ZC3H4: variants seen among roughly 807,000 people sequenced by gnomAD.
ZC3H4 encodes the protein zinc finger CCCH domain-containing protein 4.
ZC3H4 carries 13 observed loss-of-function variants against 108.3 expected under a neutral mutation model. That is an observed-to-expected ratio of 0.12 (90% CI 0.08 to 0.19). The LOEUF is 0.19. Ranked by LOEUF, ZC3H4 falls within the 10% of genes least tolerant of loss-of-function variation. The probability of loss-of-function intolerance (pLI) is 1.00; values close to 1 mark genes in which losing one functional copy is unlikely to be tolerated. For synonymous variants in ZC3H4, 917 were observed against 749.6 expected (o/e 1.22, Z -3.65); for missense variants, 1,734 against 1,838.8 (o/e 0.94, Z 1.04).
chr19:47,107,305 G>A (rs2057979908), intron 2 of ZC3H4, among the ~76,000 whole-genome samples: 1 of 152,194 alleles, frequency 6.6e-6, no homozygotes, highest in Non-Finnish European at 1.5e-5. Context: ...GGGAAAGCAG[G>A]AAGATTCACT....
In ZC3H4 at chr19:47,066,713, A is replaced by C. The variant is rs575612290; in HGVS notation, c.3555T>G (p.Ala1185=). ...EGNGKSSASK[A]KEPPFVRKSA... is the part of the protein sequence containing the mutation. ...ACTTGCGGACGAACGGGGGCTCCTT[A>C]GCCTTGGAGGCCGAGCTCTTGCCAT... is the stretch of plus-strand genomic sequence containing the variant. The change falls in exon 15 of 15, where the codon GCT becomes GCG. Residue 1185 remains alanine (A), a synonymous_variant. Coordinates refer to ENST00000253048, the MANE Select transcript of ZC3H4 (RefSeq NM_015168.2). 3 of 1,608,672 alleles carry C rather than the reference A, an allele frequency of 1.9e-6. No individual in the cohort carries two copies. The Admixed American group carries it at 5.0e-5, about 27-fold the overall frequency.
intron 1 of ZC3H4, 102 bp from the exon 2 acceptor site, chr19:47,112,691 T>C (rs889933622): frequency 6.0e-6 from 4 of 664,988 alleles, no homozygotes; most frequent in Admixed American, 8.7e-5. Flanking sequence ...ATGGGGTATA[T>C]ATTTTTTCGG....
chr19:47,081,448 T>C (rs2057520382), intron 11 of ZC3H4, 65 bp downstream of exon 11: 3 of 1,297,742 alleles, frequency 2.3e-6, no homozygotes, highest in Non-Finnish European at 3.4e-6. Flanking sequence ...GCCACAGCAC[T>C]GAGGCAATGG....
At position 47,100,216 on chromosome 19, in the gene ZC3H4, G is replaced by C. The variant is rs1001854408; in HGVS notation, c.162-5608C>G. On this transcript the variant is annotated intron_variant, in intron 2 of 14. Transcript: ENST00000253048. ...AGGCCCGAGACCTTCCCTTGAGTTAGGACGTAATGAAGCAGCCATAGGGGA... is the reference window on the plus strand; with the variant it reads ...AGGCCCGAGACCTTCCCTTGAGTTACGACGTAATGAAGCAGCCATAGGGGA... Among the ~76,000 whole-genome samples the C allele has an allele frequency of 1.8e-4, 28 of 152,192 alleles. 1 individual carries two copies. Among genetic ancestry groups the C allele is most frequent in the Admixed American group, 1.8e-3 (28 of 15,276 alleles).
At chr19:47,110,307 T>G (rs2058021608) in intron 2 of ZC3H4, among the ~76,000 whole-genome samples, 1 of 152,154 alleles carries the variant, frequency 6.6e-6, no homozygotes, top group Non-Finnish European at 1.5e-5. Flanking sequence ...AGTATCCACT[T>G]TCTTCAAAGA....
rs970596444 is a variant in ZC3H4 at position 47,066,530 on chromosome 19, C to T, written c.3738G>A (p.Gly1246=). 3.8e-6 allele frequency: 6 copies of T among 1,572,084 alleles called. No homozygotes were observed. In the African/African-American group the frequency reaches 8.1e-5, roughly 21 times the overall value. The change falls in exon 15 of 15, where the codon GGG becomes GGA. Residue 1246 remains glycine, a synonymous_variant. Transcript: ENST00000253048. The part of the protein sequence containing the change: ...PPPEGAPPQP[G]VHNLPVPTLF... ...GGGTGGGCACGGGCAGGTTGTGCACCCCGGGCTGGGGTGGGGCACCCTCGG... is the reference window on the plus strand; with the variant it reads ...GGGTGGGCACGGGCAGGTTGTGCACTCCGGGCTGGGGTGGGGCACCCTCGG...
At chr19:47,071,591 A>C (rs1487948473) in intron 13 of ZC3H4, among the ~76,000 whole-genome samples, 187 bp downstream of exon 13, 1 of 152,092 alleles carries the variant, frequency 6.6e-6, no homozygotes, top group African/African-American at 2.4e-5. Flanking sequence ...TAATACACAG[A>C]ATACTCCTTT....
At chr19:47,089,133 A>G (rs1373276510) in intron 5 of ZC3H4, among the ~76,000 whole-genome samples, 1 of 150,264 alleles carries the variant, frequency 6.7e-6, no homozygotes, top group African/African-American at 2.5e-5. Context: ...TTGAACCCGG[A>G]AAGCAGAGGT....
At position 47,089,992 on chromosome 19, in the gene ZC3H4, G is replaced by A. The variant is rs1278592439; in HGVS notation, c.690C>T (p.Ala230=). 1.2e-6 allele frequency: 2 copies of A among 1,614,180 alleles called. No individual in the cohort carries two copies. The highest frequency in any genetic ancestry group is 4.5e-5 in the East Asian group (2 of 44,874). Reference sequence around the variant, plus strand: ...CTCGGCCGCGGCTGCTGCCCTCCTTGGCACGCCGGTACTGGTTCAGCTCTT... The same window carrying A: ...CTCGGCCGCGGCTGCTGCCCTCCTTAGCACGCCGGTACTGGTTCAGCTCTT... ...FTKELNQYRR[A]KEGSSRGRGS... is the part of the protein sequence containing the mutation. Residue 230 remains alanine, a synonymous_variant, in exon 5 of 15, where the codon GCC becomes GCT. Coordinates refer to ENST00000253048, the MANE Select transcript of ZC3H4 (RefSeq NM_015168.2).
In ZC3H4 at chr19:47,094,422, C is replaced by T. The variant is rs763754864; in HGVS notation, c.348G>A (p.Arg116=). The T allele has an allele frequency of 1.2e-5, 19 of 1,614,088 alleles. No individual in the cohort carries two copies. The highest frequency in any genetic ancestry group is 1.6e-4 in the Middle Eastern group (1 of 6,084). The change falls in exon 3 of 15, where the codon AGG becomes AGA. Residue 116 remains arginine, a synonymous_variant. Coordinates refer to ENST00000253048, the MANE Select transcript of ZC3H4 (RefSeq NM_015168.2). ...KRKKEREKEK[R]RSKKRRKSKH... ...TGGATTTCCTCCTCTTCTTCGACCT[C>T]CTTTTCTCTTTCTCCCGCTCTTTCT...
In ZC3H4 at chr19:47,094,051, A is replaced by G. The variant is rs1387784127; in HGVS notation, c.411T>C (p.Ser137=). 6 of 1,614,080 alleles carry G rather than the reference A, an allele frequency of 3.7e-6. No homozygotes were observed. Among genetic ancestry groups the G allele is most frequent in the Non-Finnish European group, 5.1e-6 (6 of 1,180,034 alleles). ...TGAAATCCGAGTCATCTGAGAAGTC[A>G]GAGAAGTCATCGCTAGAAGAAGCAT... The part of the protein sequence containing the change: ...KRHASSSDDF[S]DFSDDSDFSP... The change falls in exon 4 of 15, where the codon TCT becomes TCC. Residue 137 remains serine (S), a synonymous_variant. Coordinates refer to ENST00000253048, the MANE Select transcript of ZC3H4 (RefSeq NM_015168.2).
rs1056711885 is a variant in ZC3H4 at position 47,107,166 on chromosome 19, T to C, written c.161+5258A>G. Among the ~76,000 whole-genome samples, 10 of 152,336 alleles carry C rather than the reference T, an allele frequency of 6.6e-5. No homozygotes were observed. In the South Asian group the frequency reaches 2.1e-3, roughly 32 times the overall value. Reference sequence around the variant, plus strand: ...TTAGTGTCAACCCCAATTGGCTCCCTGCAATTAAATAAGCTGACCAGAACC... The same window carrying C: ...TTAGTGTCAACCCCAATTGGCTCCCCGCAATTAAATAAGCTGACCAGAACC... On this transcript the variant is annotated intron_variant, in intron 2 of 14. Coordinates refer to ENST00000253048, the MANE Select transcript of ZC3H4 (RefSeq NM_015168.2).
At chr19:47,112,232 G>A in intron 2 of ZC3H4, 192 bp downstream of exon 2, 1 of 1,172,724 alleles carries the variant, frequency 8.5e-7, no homozygotes, top group Non-Finnish European at 1.1e-6. Flanking sequence ...AAACGCATGA[G>A]GCCGGGAGAG....
At position 47,084,581 on chromosome 19, in the gene ZC3H4, G is replaced by T. The variant is rs1600051917; in HGVS notation, c.1108-126C>A. ...TTCAGATCTCACAAGAGCACCGATGGGCAGGCTGCATCTAACACGGAGGCT... is the reference window on the plus strand; with the variant it reads ...TTCAGATCTCACAAGAGCACCGATGTGCAGGCTGCATCTAACACGGAGGCT... On this transcript the variant is annotated intron_variant, in intron 8 of 14. Transcript: ENST00000253048. The T allele has an allele frequency of 3.4e-6, 3 of 886,748 alleles. No homozygotes were observed. In the East Asian group the frequency reaches 7.9e-5, roughly 23 times the overall value. 54.9% of individuals were successfully genotyped at this position (886,748 alleles called of 1,614,324 possible). A position where few individuals can be genotyped will look rare whatever the true frequency, so the allele number is the denominator to read the frequency against.
In ZC3H4 at chr19:47,112,543, CTCT is replaced by C. The variant is rs2058054339; in HGVS notation, c.39_41del (p.Glu14del). The stretch of plus-strand genomic sequence containing the variant: ...GCGGCGGCGATGGCGGCGGCGGCGA[CTCT>C]GATGGCGGCGGCGGGGGGGTCCCGG... On this transcript the variant is annotated inframe_deletion, in exon 2 of 15. Transcript: ENST00000253048. 9.5e-7 allele frequency: 1 copy of C among 1,047,188 alleles called. No individual in the cohort carries two copies. Among genetic ancestry groups the C allele is most frequent in the Non-Finnish European group, 1.2e-6 (1 of 813,388 alleles). 64.9% of individuals were successfully genotyped at this position (1,047,188 alleles called of 1,614,324 possible).
intron 5 of ZC3H4, among the ~76,000 whole-genome samples, chr19:47,089,204 CAAAAAAAAAAAA>C (rs888647856): frequency 1.9e-4 from 5 of 26,840 alleles, no homozygotes; most frequent in Non-Finnish European, 2.2e-4. Flanking sequence ...GACTCCGTCT[CAAAAAAAAAAAA>C]AAAAAAAAAA....
chr19:47,079,734 G>C (rs1358606897), intron 11 of ZC3H4, among the ~76,000 whole-genome samples: 1 of 152,132 alleles, frequency 6.6e-6, no homozygotes, highest in African/African-American at 2.4e-5. Context: ...CGTCTCTACT[G>C]AAAATAGCTG....
At chr19:47,086,225 A>C (rs983857459) in intron 6 of ZC3H4, among the ~76,000 whole-genome samples, 159 bp downstream of exon 6, 1 of 152,200 alleles carries the variant, frequency 6.6e-6, no homozygotes, top group African/African-American at 2.4e-5. Context: ...TGATAAATGA[A>C]TATTTTTAAA....
Position 47,065,396 on chromosome 19 carries a change from G to A in ZC3H4, c.*960C>T, listed in dbSNP as rs1456486888. On this transcript the variant is annotated 3_prime_UTR_variant, in exon 15 of 15. Coordinates refer to ENST00000253048, the MANE Select transcript of ZC3H4 (RefSeq NM_015168.2). ...AGCCACCCCAGGGTCCCCATTGTTGGGGCCTGGCGGCGCAGCCACTGCACG... is the reference window on the plus strand; with the variant it reads ...AGCCACCCCAGGGTCCCCATTGTTGAGGCCTGGCGGCGCAGCCACTGCACG... 2.6e-5 allele frequency: 4 copies of A among 153,006 alleles called. No individual in the cohort carries two copies. The highest frequency in any genetic ancestry group is 6.5e-5 in the Admixed American group (1 of 15,272). The allele number at this position is 153,006 out of a possible 1,614,324, so 9.5% of individuals were successfully genotyped here.
Sources: gnomAD v4.1 joint callset for allele counts (sites outside exome capture counted in the v4.1 genomes callset) on GRCh38, gnomAD v4.1.1 for gene constraint, MANE v1.5 for transcripts, NCBI Gene and HGNC (gene_info 2026-07-23, HGNC 2026-07-21) for gene names.